Variants in WDR44 observed in about 807,000 individuals in gnomAD.
The protein encoded by WDR44 is WD repeat domain 44.
WDR44 carries 9 observed loss-of-function variants against 65.7 expected under a neutral mutation model. The observed-to-expected ratio is 0.14, with a 90% CI of 0.08 to 0.24. The LOEUF (loss-of-function observed/expected upper bound fraction) is 0.24. Ranked by LOEUF, WDR44 falls within the 10% of genes least tolerant of loss-of-function variation. The pLI is 1.00. For missense variants in WDR44, 425 were observed against 670.9 expected (o/e 0.63, Z 4.05); for synonymous variants, 220 against 235.2 (o/e 0.94, Z 0.59).
At position 118,392,983 on chromosome X, in the gene WDR44, G is replaced by A. The variant is rs373487766; in HGVS notation, c.538G>A (p.Ala180Thr). The change falls in exon 4 of 20, where the codon GCA becomes ACA. Residue 180 changes from alanine (A) to threonine (T), a missense_variant. By Grantham distance (58) the Ala-to-Thr change is moderately conservative. Coordinates refer to ENST00000254029, the MANE Select transcript of WDR44 (RefSeq NM_019045.5). ...ETETEVLNKEAVEVKGGGDVL... is the reference protein window; with the variant it reads ...ETETEVLNKETVEVKGGGDVL... ...TGAAACAGAAGTATTGAACAAGGAAGCAGTGGAAGTCAAAGGAGGTGGTGA... is the reference window on the plus strand; with the variant it reads ...TGAAACAGAAGTATTGAACAAGGAAACAGTGGAAGTCAAAGGAGGTGGTGA... 1 of 1,212,187 alleles carries A rather than the reference G, an allele frequency of 8.2e-7. No homozygotes were observed. Among genetic ancestry groups the A allele is most frequent in the Non-Finnish European group, 1.1e-6 (1 of 895,637 alleles).
intron 15 of WDR44, 69 bp from the exon 16 acceptor site, chrX:118,442,175 A>C (rs1692330052): frequency 2.1e-6 from 2 of 946,658 alleles, no homozygotes; most frequent in East Asian, 6.3e-5. Context: ...CTGAGTAGCT[A>C]GAGTTACAGA....
At chrX:118,426,205 A>G (rs1455150832) in intron 12 of WDR44, among the ~76,000 whole-genome samples, 2 of 112,301 alleles carry the variant, frequency 1.8e-5, no homozygotes, top group Non-Finnish European at 3.8e-5. Context: ...AGGTATATAT[A>G]GAAGTATCTA....
chrX:118,432,988 G>GT, intron 13 of WDR44, 94 bp downstream of exon 13: 3 of 804,571 alleles, frequency 3.7e-6, no homozygotes, highest in Non-Finnish European at 3.6e-6. Context: ...GGAAACCTCA[G>GT]TTTTTTGTCT....
At chrX:118,447,506 C>T (rs2057355660) in intron 19 of WDR44, among the ~76,000 whole-genome samples, 1 of 111,021 alleles carries the variant, frequency 9.0e-6, no homozygotes, top group Non-Finnish European at 1.9e-5. Context: ...TTGTTCCTGA[C>T]GTGTTTGGCA....
intron 1 of WDR44, among the ~76,000 whole-genome samples, chrX:118,364,840 AT>A (rs2056540289): frequency 8.9e-6 from 1 of 112,316 alleles, no homozygotes; most frequent in Admixed American, 9.5e-5. Context: ...TGTTACTGAG[AT>A]TGTTAGGTTG....
At chrX:118,393,678 A>T (rs1249347173) in intron 4 of WDR44, among the ~76,000 whole-genome samples, 1 of 111,729 alleles carries the variant, frequency 9.0e-6, no homozygotes, top group Non-Finnish European at 1.9e-5. Context: ...ATTTCACTTT[A>T]TTAAAAAACT....
intron 4 of WDR44, 141 bp from the exon 5 acceptor site, chrX:118,393,914 C>A: frequency 1.9e-6 from 1 of 535,046 alleles, no homozygotes; most frequent in Non-Finnish European, 3.0e-6. Context: ...GCTGTATAGT[C>A]TTGAGGAAAT....
chrX:118,438,974 T>G (rs1381793903), intron 14 of WDR44, among the ~76,000 whole-genome samples: 1 of 105,403 alleles, frequency 9.5e-6, no homozygotes, highest in East Asian at 3.2e-4. Context: ...TTATTAGAGA[T>G]AGAGTTTCAC....
rs753700033 is a variant in WDR44, at chrX:118,444,421, G to A, written c.2574G>A (p.Leu858=). 8.3e-7 allele frequency: 1 copy of A among 1,210,645 alleles called. No homozygotes were observed. Among genetic ancestry groups the A allele is most frequent in the Non-Finnish European group, 1.1e-6 (1 of 894,806 alleles). The change falls in exon 19 of 20, where the codon TTG becomes TTA. Residue 858 remains leucine, a synonymous_variant. Coordinates refer to ENST00000254029, the MANE Select transcript of WDR44 (RefSeq NM_019045.5). ...CAAACCCAAGTTTGATGTTATCTTT[G>A]GATGTGCAATCTGAAAAATCAGAAG... The part of the protein sequence containing the change: ...FAPNPSLMLS[L]DVQSEKSEGN...
chrX:118,392,230 G>A (rs1602912608), intron 3 of WDR44, among the ~76,000 whole-genome samples: 1 of 112,104 alleles, frequency 8.9e-6, no homozygotes, highest in African/African-American at 3.2e-5. Flanking sequence ...ATTACAACAA[G>A]TTTGGCATAA....
chrX:118,429,466 A>G (rs72607628), intron 12 of WDR44, among the ~76,000 whole-genome samples: 2 of 108,017 alleles, frequency 1.9e-5, no homozygotes, highest in Non-Finnish European at 3.8e-5. Context: ...CTGTGTGCCT[A>G]TAATCCCAGG....
intron 12 of WDR44, among the ~76,000 whole-genome samples, chrX:118,430,138 T>C (rs930766834): frequency 1.8e-5 from 2 of 110,679 alleles, no homozygotes; most frequent in Admixed American, 1.9e-4. Context: ...TTTTTAAAAA[T>C]GAAAGATTGA....
At chrX:118,356,247 T>G (rs1051217631) in intron 1 of WDR44, among the ~76,000 whole-genome samples, 1 of 111,965 alleles carries the variant, frequency 8.9e-6, no homozygotes, top group Admixed American at 9.5e-5. Context: ...ATGACCTTGC[T>G]TCTGAAAAAG....
chrX:118,442,444 T>C, intron 16 of WDR44, 99 bp downstream of exon 16: 1 of 952,913 alleles, frequency 1.0e-6, no homozygotes, highest in Non-Finnish European at 1.5e-6. Context: ...TGTTGTGGAA[T>C]ACCGCTTTTC....
chrX:118,441,327 A>C (rs1241074365), intron 14 of WDR44, 41 bp from the exon 15 acceptor site: 1 of 1,102,375 alleles, frequency 9.1e-7, no homozygotes, highest in Non-Finnish European at 1.2e-6. Context: ...TTTTTTCTTG[A>C]TGTGGTAAAA....
At chrX:118,381,903 C>T (rs1257107892) in intron 2 of WDR44, among the ~76,000 whole-genome samples, 1 of 111,223 alleles carries the variant, frequency 9.0e-6, no homozygotes, top group Non-Finnish European at 1.9e-5. Flanking sequence ...CTCACTCTGT[C>T]ACCCAGGCAA....
intron 12 of WDR44, among the ~76,000 whole-genome samples, chrX:118,431,380 C>T (rs1164104890): frequency 5.4e-5 from 6 of 111,576 alleles, no homozygotes; most frequent in Non-Finnish European, 7.5e-5. Context: ...CTCAGCTCAC[C>T]GCAACCTCCA....
At chrX:118,372,964 C>T (rs1216394500) in intron 1 of WDR44, among the ~76,000 whole-genome samples, 1 of 110,999 alleles carries the variant, frequency 9.0e-6, no homozygotes, top group African/African-American at 3.3e-5. Context: ...GGGCGGGCAC[C>T]TGTAATCCCA....
intron 5 of WDR44, 104 bp downstream of exon 5, chrX:118,394,289 T>C: frequency 9.1e-7 from 1 of 1,092,917 alleles, no homozygotes; most frequent in South Asian, 2.2e-5. Flanking sequence ...TTTTTCTTTG[T>C]CCTCCAAACC....
Sources: gnomAD v4.1 joint callset for allele counts (sites outside exome capture counted in the v4.1 genomes callset) on GRCh38, gnomAD v4.1.1 for gene constraint, MANE v1.5 for transcripts, NCBI Gene and HGNC (gene_info 2026-07-23, HGNC 2026-07-21) for gene names.